Variants in SNX29 observed in about 807,000 individuals in gnomAD.
SNX29 encodes the protein sorting nexin-29.
In SNX29, 78 loss-of-function variants were observed where a neutral mutation model predicts 102.1. The ratio of observed to expected loss-of-function variants is 0.76; its 90% CI spans 0.64 to 0.92. The LOEUF is 0.92. Among genes scored for constraint, SNX29 ranks in the 40% least tolerant of loss-of-function variants. SNX29 has a pLI of 0.00. For synonymous variants in SNX29, 580 were observed against 414.5 expected, an observed-to-expected ratio of 1.40 and a Z score of -4.85; for missense variants, 1,280 against 1,061.7, an observed-to-expected ratio of 1.21 and a Z score of -2.86.
intron 3 of SNX29, among the ~76,000 whole-genome samples, chr16:12,018,811 C>T (rs1193432655): frequency 6.6e-6 from 1 of 150,520 alleles, no homozygotes; most frequent in Non-Finnish European, 1.5e-5. Flanking sequence ...AGGTCTCGAA[C>T]TCCTGGGCTC....
chr16:12,550,319 C>G (rs976307141), intron 20 of SNX29, among the ~76,000 whole-genome samples: 2 of 152,120 alleles, frequency 1.3e-5, no homozygotes, highest in African/African-American at 4.8e-5. Context: ...GTTGGGTCAC[C>G]TGAGGTCGAG....
chr16:11,976,875 G>A (rs2150952655), intron 1 of SNX29, 62 bp downstream of exon 1: 1 of 1,310,314 alleles, frequency 7.6e-7, no homozygotes, highest in Non-Finnish European at 9.7e-7. Context: ...CGCTCCAGCT[G>A]CACACTCCGG....
At chr16:12,228,661 C>G (rs1175624050) in intron 14 of SNX29, among the ~76,000 whole-genome samples, 1 of 152,258 alleles carries the variant, frequency 6.6e-6, no homozygotes, top group Non-Finnish European at 1.5e-5. Context: ...TCAACCCTGT[C>G]TGGTGCGCAG....
intron 13 of SNX29, among the ~76,000 whole-genome samples, chr16:12,158,043 C>T (rs957729087): frequency 1.3e-5 from 2 of 151,888 alleles, no homozygotes; most frequent in Admixed American, 6.6e-5. Flanking sequence ...GTACAGTGAC[C>T]AACTCCAGCT....
In SNX29 at chr16:12,569,354, A is replaced by C; in HGVS notation, c.*725A>C. 4.3e-6 allele frequency: 1 copy of C among 230,218 alleles called. No individual in the cohort carries two copies. Among genetic ancestry groups the C allele is most frequent in the Non-Finnish European group, 8.6e-6 (1 of 116,076 alleles). The allele number at this position is 230,218 out of a possible 1,614,324, so 14.3% of individuals were successfully genotyped here. On this transcript the variant is annotated 3_prime_UTR_variant, in exon 21 of 21. Coordinates refer to ENST00000566228, the MANE Select transcript of SNX29 (RefSeq NM_032167.5). ...GCCTGAGGCCACCTAGGCCCTCGCCAGGCTTGGAGTGGGGGGACTCAGACA... is the reference window on the plus strand; with the variant it reads ...GCCTGAGGCCACCTAGGCCCTCGCCCGGCTTGGAGTGGGGGGACTCAGACA...
intron 19 of SNX29, among the ~76,000 whole-genome samples, chr16:12,518,691 C>A (rs1377668767): frequency 6.6e-6 from 1 of 152,202 alleles, no homozygotes; most frequent in Non-Finnish European, 1.5e-5. Flanking sequence ...AGGATCCCAG[C>A]TAAACATCTG....
intron 11 of SNX29, among the ~76,000 whole-genome samples, chr16:12,100,566 C>T (rs2052970064): frequency 6.6e-6 from 1 of 152,064 alleles, no homozygotes; most frequent in Non-Finnish European, 1.5e-5. Context: ...TCTGCAGAGG[C>T]CTGTCTGACA....
chr16:12,356,774 T>G (rs1185742218), intron 16 of SNX29, among the ~76,000 whole-genome samples: 1 of 152,262 alleles, frequency 6.6e-6, no homozygotes, highest in Non-Finnish European at 1.5e-5. Context: ...CATGTGATTC[T>G]TTATTGTGAG....
At chr16:12,014,217 T>C (rs1019019704) in intron 3 of SNX29, among the ~76,000 whole-genome samples, 4 of 152,288 alleles carry the variant, frequency 2.6e-5, no homozygotes, top group African/African-American at 9.6e-5. Context: ...TCGTGTCTCA[T>C]TTATTCACGC....
chr16:12,495,594 C>T (rs2088781769), intron 19 of SNX29, among the ~76,000 whole-genome samples: 1 of 152,206 alleles, frequency 6.6e-6, no homozygotes, highest in South Asian at 2.1e-4. Context: ...TTTGCTTAAA[C>T]ATGGTAAGTG....
intron 19 of SNX29, among the ~76,000 whole-genome samples, chr16:12,503,865 G>T (rs1044127670): frequency 1.3e-5 from 2 of 152,194 alleles, no homozygotes; most frequent in African/African-American, 4.8e-5. Flanking sequence ...TTTGAGCCAT[G>T]TGTCCATTCT....
At chr16:12,524,596 T>G in intron 19 of SNX29, 106 bp from the exon 20 acceptor site, 4 of 1,320,092 alleles carry the variant, frequency 3.0e-6, no homozygotes, top group Middle Eastern at 2.0e-4. Flanking sequence ...GCTCAATCAG[T>G]GTTGGTTGCC....
rs1643004099 is a variant in SNX29 at position 12,532,588 on chromosome 16, C to G, written c.2318+7747C>G. The stretch of plus-strand genomic sequence containing the variant: ...GAATTCTGACTTCACCATCTGAAAT[C>G]CCAGTCTGTCTGAGGTATTTGGAAA... On this transcript the variant is annotated intron_variant, in intron 20 of 20. Coordinates refer to ENST00000566228, the MANE Select transcript of SNX29 (RefSeq NM_032167.5). 3.9e-5 allele frequency among the ~76,000 whole-genome samples: 6 copies of G among 152,202 alleles called. No individual in the cohort carries two copies. In the South Asian group the frequency reaches 1.2e-3, roughly 32 times the overall value.
intron 20 of SNX29, among the ~76,000 whole-genome samples, chr16:12,551,259 G>A (rs1022998973): frequency 3.9e-5 from 6 of 152,098 alleles, no homozygotes; most frequent in South Asian, 4.1e-4. Flanking sequence ...TCACTGCTCC[G>A]GAGGTTCAGA....
intron 10 of SNX29, among the ~76,000 whole-genome samples, chr16:12,076,723 T>A (rs1336023512): frequency 6.6e-6 from 1 of 152,204 alleles, no homozygotes; most frequent in African/African-American, 2.4e-5. Context: ...ACCGTTTTCT[T>A]CTTCTGTCTC....
intron 20 of SNX29, among the ~76,000 whole-genome samples, chr16:12,534,293 G>A (rs956863964): frequency 8.5e-5 from 13 of 152,256 alleles, no homozygotes; most frequent in Non-Finnish European, 1.8e-4. Context: ...TTCTCCGTGT[G>A]GGAGACGTGC....
At chr16:12,267,524 G>A (rs569961947) in intron 14 of SNX29, among the ~76,000 whole-genome samples, 1 of 152,276 alleles carries the variant, frequency 6.6e-6, no homozygotes, top group South Asian at 2.1e-4. Flanking sequence ...TAGCCCCTTA[G>A]CACCTTTATT....
intron 18 of SNX29, among the ~76,000 whole-genome samples, chr16:12,430,482 C>T (rs2085265343): frequency 6.6e-6 from 1 of 152,252 alleles, no homozygotes; most frequent in African/African-American, 2.4e-5. Context: ...CCTGAGTTTG[C>T]ATCCCAGCTC....
intron 20 of SNX29, among the ~76,000 whole-genome samples, chr16:12,558,863 C>G (rs72775205): frequency 1.3e-5 from 2 of 152,316 alleles, no homozygotes; most frequent in Non-Finnish European, 2.9e-5. Flanking sequence ...CCACAGGCAG[C>G]CCATTTGCAG....
Sources: allele counts gnomAD v4.1 joint callset (sites outside exome capture counted in the v4.1 genomes callset), GRCh38; gene constraint gnomAD v4.1.1; transcripts MANE v1.5; gene names NCBI Gene and HGNC (gene_info 2026-07-23, HGNC 2026-07-21).